RNASEH2B: variants seen among roughly 807,000 people sequenced by gnomAD.
RNASEH2B encodes ribonuclease H2 subunit B.
RNASEH2B carries 36 observed loss-of-function variants against 45.0 expected under a neutral mutation model. The observed-to-expected ratio is 0.80, with a 90% CI of 0.61 to 1.06. The LOEUF is 1.06. Ranked by LOEUF, RNASEH2B falls within the 50% of genes least tolerant of loss-of-function variation. The probability of loss-of-function intolerance (pLI) is 0.00; values close to 1 mark genes in which losing one functional copy is unlikely to be tolerated. For missense variants in RNASEH2B, 361 were observed against 360.3 expected, an observed-to-expected ratio of 1.00 and a Z score of -0.02; for synonymous variants, 119 against 125.7, an observed-to-expected ratio of 0.95 and a Z score of 0.35.
intron 1 of RNASEH2B, among the ~76,000 whole-genome samples, chr13:50,922,632 G>A (rs545694134): frequency 1.3e-5 from 2 of 152,280 alleles, no homozygotes; most frequent in South Asian, 4.1e-4. Flanking sequence ...CAAACAAACA[G>A]CAACAACTGC....
chr13:50,967,127 T>A (rs1485497055), intron 9 of RNASEH2B, among the ~76,000 whole-genome samples: 1 of 152,176 alleles, frequency 6.6e-6, no homozygotes, highest in African/African-American at 2.4e-5. Context: ...CGCTGGTGCT[T>A]GGGGAGCCAT....
chr13:50,930,044 C>T (rs1263713377), intron 3 of RNASEH2B: 1 of 233,690 alleles, frequency 4.3e-6, no homozygotes, highest in African/African-American at 2.3e-5. Context: ...CCCATACACA[C>T]ATACACCCCC....
chr13:50,969,210 A>G (rs1952194156), intron 9 of RNASEH2B, among the ~76,000 whole-genome samples: 1 of 152,154 alleles, frequency 6.6e-6, no homozygotes. Flanking sequence ...GAAAAAGCTG[A>G]CCAGGCAGGG....
chr13:50,966,902 TATAA>T (rs1462770085), intron 9 of RNASEH2B, among the ~76,000 whole-genome samples: 2 of 152,186 alleles, frequency 1.3e-5, no homozygotes, highest in African/African-American at 2.4e-5. Flanking sequence ...TCTTTAAAAA[TATAA>T]ATAAAGTGAA....
chr13:50,928,639 A>G (rs753683541), intron 2 of RNASEH2B: 5 of 152,336 alleles, frequency 3.3e-5, no homozygotes, highest in Admixed American at 6.5e-5. Context: ...CTGAGTTCTT[A>G]CTATGTGCCA....
At chr13:50,950,356 G>A (rs1258845257) in intron 9 of RNASEH2B, 1 of 152,172 alleles carries the variant, frequency 6.6e-6, no homozygotes, top group Non-Finnish European at 1.5e-5. Context: ...GTCATTCCCT[G>A]TATAAAGGTG....
exon 10 of RNASEH2B, chr13:50,970,042 T>C (rs1051044242): frequency 7.1e-7 from 1 of 1,415,920 alleles, no homozygotes. Flanking sequence ...CTTTTTCTTC[T>C]GCACTTTTTT....
At chr13:50,947,816 C>T (rs111805741) in intron 7 of RNASEH2B, among the ~76,000 whole-genome samples, 171 bp from the exon 8 acceptor site, 1,546 of 151,966 alleles carry the variant, frequency 0.01, 25 homozygotes, top group African/African-American at 0.034. Context: ...CTAGTCTGAC[C>T]GATAGATATT....
chr13:50,970,180 C>T (rs1384086993), exon 10 of RNASEH2B: 2 of 613,686 alleles, frequency 3.3e-6, no homozygotes, highest in South Asian at 2.1e-5. Context: ...TAGGCGGTTC[C>T]GTCCAGGAGC....
At chr13:50,932,110 G>T (rs923999001) in intron 4 of RNASEH2B, among the ~76,000 whole-genome samples, 7 of 152,008 alleles carry the variant, frequency 4.6e-5, no homozygotes, top group African/African-American at 1.7e-4. Context: ...TTTATTATTG[G>T]CCGCAAATAT....
chr13:50,959,460 TG>T (rs1354215944), downstream of RNASEH2B: 2 of 152,152 alleles, frequency 1.3e-5, no homozygotes, highest in African/African-American at 2.4e-5. Context: ...GGTTCTTTTT[TG>T]TTTTTTTTTT....
At chr13:50,962,670 A>G (rs535497724) in intron 9 of RNASEH2B, among the ~76,000 whole-genome samples, 202 of 152,216 alleles carry the variant, frequency 1.3e-3, no homozygotes, top group Non-Finnish European at 2.3e-3. Context: ...GGCTTGCATA[A>G]TCTCTGATGA....
chr13:50,910,149 G>T lies in RNASEH2B; in HGVS notation c.64+9G>T. 3 of 1,430,410 alleles carry T rather than the reference G, an allele frequency of 2.1e-6. No individual in the cohort carries two copies. Among genetic ancestry groups the T allele is most frequent in the Non-Finnish European group, 2.7e-6 (3 of 1,092,640 alleles). 88.6% of individuals were successfully genotyped at this position (1,430,410 alleles called of 1,614,324 possible). A position where few individuals can be genotyped will look rare whatever the true frequency, so the allele number is the denominator to read the frequency against. ...CGTGTTCCTGGTTTCAGGTAAACAC[G>T]CGCGCCCGGGCGGCGGGGTCGGCCC... On this transcript the variant is annotated intron_variant, in intron 1 of 10. Transcript: ENST00000336617.
At chr13:50,966,565 C>T (rs1246233776) in intron 9 of RNASEH2B, among the ~76,000 whole-genome samples, 1 of 150,740 alleles carries the variant, frequency 6.6e-6, no homozygotes, top group Admixed American at 6.6e-5. Flanking sequence ...TTTTTTATTT[C>T]TAGTTTATCT....
chr13:50,924,931 C>T (rs762250816), intron 1 of RNASEH2B, among the ~76,000 whole-genome samples: 5 of 151,464 alleles, frequency 3.3e-5, no homozygotes, highest in Non-Finnish European at 7.4e-5. Flanking sequence ...GTTCATTGAG[C>T]TTCTTGGATT....
intron 1 of RNASEH2B, among the ~76,000 whole-genome samples, chr13:50,917,377 T>G (rs1447142081): frequency 6.6e-6 from 1 of 152,200 alleles, no homozygotes; most frequent in African/African-American, 2.4e-5. Flanking sequence ...GGTAGTCTGT[T>G]TGACTGGCTT....
downstream of RNASEH2B, among the ~76,000 whole-genome samples, chr13:50,960,768 G>A (rs1403703955): frequency 1.3e-5 from 2 of 152,206 alleles, no homozygotes; most frequent in Non-Finnish European, 1.5e-5. Context: ...CAATGCTGCT[G>A]TTAGGCTTTA....
At chr13:50,964,391 T>G (rs1952144331) in intron 9 of RNASEH2B, among the ~76,000 whole-genome samples, 1 of 152,186 alleles carries the variant, frequency 6.6e-6, no homozygotes, top group Non-Finnish European at 1.5e-5. Context: ...TGTATAGCAT[T>G]TATGTGCTTG....
chr13:50,918,451 T>C (rs1360113345), intron 1 of RNASEH2B, among the ~76,000 whole-genome samples: 1 of 152,228 alleles, frequency 6.6e-6, no homozygotes, highest in Non-Finnish European at 1.5e-5. Flanking sequence ...ATTTTTATTT[T>C]TTTCTCCAAA....
Sources: allele counts gnomAD v4.1 joint callset (sites outside exome capture counted in the v4.1 genomes callset), GRCh38; gene constraint gnomAD v4.1.1; transcripts MANE v1.5; gene names NCBI Gene and HGNC (gene_info 2026-07-23, HGNC 2026-07-21).